The following UNC13B variants were observed in gnomAD, a reference collection of about 807,000 sequenced individuals.
UNC13B encodes the protein protein unc-13 homolog B.
A neutral mutation model predicts 211.0 loss-of-function variants in UNC13B; 144 were observed. The observed-to-expected ratio is 0.68, with a 90% CI of 0.60 to 0.78. The LOEUF is 0.78. Ranked by LOEUF, UNC13B falls within the 30% of genes least tolerant of loss-of-function variation. The pLI is 0.00. For synonymous variants in UNC13B, 709 were observed against 725.8 expected, an observed-to-expected ratio of 0.98 and a Z score of 0.37; for missense variants, 1,777 against 2,002.0, an observed-to-expected ratio of 0.89 and a Z score of 2.14.
At chr9:35,231,546 C>A (rs759804102) in intron 3 of UNC13B, among the ~76,000 whole-genome samples, 27 of 152,116 alleles carry the variant, frequency 1.8e-4, no homozygotes, top group Admixed American at 4.6e-4. Context: ...TACAGTACAA[C>A]AGACTTAGCA....
intron 1 of UNC13B, among the ~76,000 whole-genome samples, chr9:35,219,595 T>C (rs1824456818): frequency 7.0e-6 from 1 of 142,834 alleles, no homozygotes; most frequent in African/African-American, 2.6e-5. Flanking sequence ...CCAGCCTGGG[T>C]GACAGAGCAA....
In UNC13B at chr9:35,183,315, C is replaced by T. The variant is rs1232584371; in HGVS notation, c.22+21010C>T. Among the ~76,000 whole-genome samples the T allele has an allele frequency of 2.6e-4, 24 of 93,726 alleles. 4 individuals carry two copies. Among genetic ancestry groups the T allele is most frequent in the African/African-American group, 5.1e-4 (12 of 23,692 alleles). The allele number at this position is 93,726 out of a possible 152,430, so 61.5% of individuals were successfully genotyped here. On this transcript the variant is annotated intron_variant, in intron 1 of 39. Coordinates refer to ENST00000635942, the MANE Select transcript of UNC13B (RefSeq NM_001371189.2). ...GCAGAGGCGCCCCTCACCTCCCAGG[C>T]GGGGCAGCCGGGCAGAGGCGCCCCT...
chr9:35,227,959 T>G, intron 1 of UNC13B, 56 bp from the exon 2 acceptor site: 1 of 1,526,360 alleles, frequency 6.6e-7, no homozygotes, highest in East Asian at 2.3e-5. Flanking sequence ...TAAATGTTGC[T>G]TAAGTAAAAT....
chr9:35,183,579 A>AT (rs1822118288), intron 1 of UNC13B, among the ~76,000 whole-genome samples: 2 of 81,062 alleles, frequency 2.5e-5, no homozygotes, highest in Admixed American at 1.3e-4. Flanking sequence ...CCTCCCAGGC[A>AT]GGGCGGCTGG....
chr9:35,397,778 G>T (rs1835985042), intron 30 of UNC13B, 66 bp downstream of exon 30: 3 of 1,561,270 alleles, frequency 1.9e-6, no homozygotes, highest in Non-Finnish European at 1.8e-6. Flanking sequence ...TGCTTTTGAA[G>T]CTGTCCTCAG....
At chr9:35,279,828 G>A (rs991909081) in intron 7 of UNC13B, among the ~76,000 whole-genome samples, 37 of 152,186 alleles carry the variant, frequency 2.4e-4, no homozygotes, top group African/African-American at 8.4e-4. Flanking sequence ...TTAGCTTTTA[G>A]GAATAGTCAC....
At chr9:35,370,028 C>T (rs1395963252) in intron 12 of UNC13B, among the ~76,000 whole-genome samples, 1 of 152,170 alleles carries the variant, frequency 6.6e-6, no homozygotes, top group Non-Finnish European at 1.5e-5. Flanking sequence ...CATAAAAGTG[C>T]CTTCAAATAA....
At chr9:35,353,989 A>C (rs1236409156) in intron 11 of UNC13B, among the ~76,000 whole-genome samples, 1 of 152,176 alleles carries the variant, frequency 6.6e-6, no homozygotes, top group Non-Finnish European at 1.5e-5. Flanking sequence ...TTGGAGTGAA[A>C]GATGGTTCTC....
chr9:35,354,364 C>T (rs943338657), intron 11 of UNC13B, among the ~76,000 whole-genome samples: 2 of 152,170 alleles, frequency 1.3e-5, no homozygotes, highest in African/African-American at 4.8e-5. Context: ...ACCCCAGGTA[C>T]CTGTCTCTTC....
chr9:35,250,290 C>T (rs961330644), intron 6 of UNC13B, among the ~76,000 whole-genome samples: 3 of 152,080 alleles, frequency 2.0e-5, no homozygotes, highest in African/African-American at 4.8e-5. Context: ...TTCATTGCCC[C>T]GTAAAGAAAC....
At chr9:35,218,250 T>C (rs1290508971) in intron 1 of UNC13B, among the ~76,000 whole-genome samples, 4 of 152,044 alleles carry the variant, frequency 2.6e-5, no homozygotes, top group Non-Finnish European at 5.9e-5. Flanking sequence ...AAAATATACT[T>C]CATGGGATGG....
chr9:35,174,648 C>T (rs1375225838), intron 1 of UNC13B, among the ~76,000 whole-genome samples: 1 of 151,710 alleles, frequency 6.6e-6, no homozygotes, highest in East Asian at 1.9e-4. Context: ...CCCGGGTTCA[C>T]GCCATTCTTC....
intron 7 of UNC13B, among the ~76,000 whole-genome samples, chr9:35,273,266 C>G (rs963168239): frequency 6.6e-6 from 1 of 152,110 alleles, no homozygotes; most frequent in Non-Finnish European, 1.5e-5. Context: ...AATTATTTGA[C>G]CACCACAAAC....
At chr9:35,269,105 G>A (rs996111298) in intron 7 of UNC13B, among the ~76,000 whole-genome samples, 4 of 152,094 alleles carry the variant, frequency 2.6e-5, no homozygotes, top group African/African-American at 9.7e-5. Flanking sequence ...CAGGTTAAGG[G>A]CTCAGTCCCA....
rs1165804643 is a variant in UNC13B, at chr9:35,305,761, A to G, written c.6357A>G (p.Glu2119=). ...TTVTEVSKSN[E]ISFDTLSKRN... is the part of the protein sequence containing the mutation. ...TGACAGAAGTTTCAAAAAGTAATGA[A>G]ATATCCTTTGATACCCTGAGCAAGA... Residue 2119 remains glutamate, a synonymous_variant, in exon 9 of 40, where the codon GAA becomes GAG. Coordinates refer to ENST00000635942, the MANE Select transcript of UNC13B (RefSeq NM_001371189.2). 1 of 398,878 alleles carries G rather than the reference A, an allele frequency of 2.5e-6. No homozygotes were observed. The highest frequency in any genetic ancestry group is 4.4e-6 in the Non-Finnish European group (1 of 226,026). The allele number at this position is 398,878 out of a possible 1,614,324, so 24.7% of individuals were successfully genotyped here.
intron 1 of UNC13B, among the ~76,000 whole-genome samples, chr9:35,181,707 C>T (rs553825584): frequency 3.8e-4 from 58 of 151,998 alleles, no homozygotes; most frequent in Admixed American, 1.0e-3. Flanking sequence ...CATGGTGGTG[C>T]GGGCCTGTAG....
At chr9:35,263,224 A>G (rs1451755269) in intron 7 of UNC13B, among the ~76,000 whole-genome samples, 1 of 152,192 alleles carries the variant, frequency 6.6e-6, no homozygotes, top group Admixed American at 6.5e-5. Flanking sequence ...TAAGTAGCAA[A>G]ATTTGAAAAT....
chr9:35,393,928 A>G (rs1448130037), intron 26 of UNC13B, among the ~76,000 whole-genome samples: 1 of 152,026 alleles, frequency 6.6e-6, no homozygotes, highest in Non-Finnish European at 1.5e-5. Context: ...CAAGCAAGGG[A>G]TTGACATGAT....
chr9:35,255,717 A>G (rs1484781719), intron 6 of UNC13B, among the ~76,000 whole-genome samples: 3 of 152,056 alleles, frequency 2.0e-5, no homozygotes, highest in African/African-American at 7.2e-5. Flanking sequence ...AAATATCTCA[A>G]GCACGGATCT....
Sources: allele counts gnomAD v4.1 joint callset (sites outside exome capture counted in the v4.1 genomes callset), GRCh38; gene constraint gnomAD v4.1.1; transcripts MANE v1.5; gene names NCBI Gene and HGNC (gene_info 2026-07-23, HGNC 2026-07-21).